Variants in NDFIP1 observed in about 807,000 individuals in gnomAD.
The protein encoded by NDFIP1 is NEDD4 family-interacting protein 1.
In NDFIP1, 7 loss-of-function variants were observed where a neutral mutation model predicts 28.8. The observed-to-expected ratio is 0.24, with a 90% confidence interval of 0.14 to 0.46. NDFIP1 has a LOEUF of 0.46. Among genes scored for constraint, NDFIP1 ranks in the 20% least tolerant of loss-of-function variants. The probability of loss-of-function intolerance (pLI) is 0.99; values close to 1 mark genes in which losing one functional copy is unlikely to be tolerated. For synonymous variants in NDFIP1, 92 were observed against 101.0 expected (o/e 0.91, Z 0.53); for missense variants, 194 against 269.1 (o/e 0.72, Z 1.95).
chr5:142,141,022 G>A (rs761471051), intron 6 of NDFIP1, among the ~76,000 whole-genome samples: 1 of 152,116 alleles, frequency 6.6e-6, no homozygotes, highest in Non-Finnish European at 1.5e-5. Flanking sequence ...AGTGCAGGTG[G>A]CCCATCTTTG....
intron 7 of NDFIP1, among the ~76,000 whole-genome samples, chr5:142,149,492 C>T (rs1477482977): frequency 7.0e-6 from 1 of 141,968 alleles, no homozygotes; most frequent in Non-Finnish European, 1.5e-5. Context: ...TAATACGGTC[C>T]AGAGTCCCTA....
At chr5:142,141,523 C>T (rs1757332181) in intron 6 of NDFIP1, among the ~76,000 whole-genome samples, 1 of 151,602 alleles carries the variant, frequency 6.6e-6, no homozygotes, top group Admixed American at 6.6e-5. Context: ...TACTTTTTTC[C>T]TAGACATTAA....
rs564876605 is a variant in NDFIP1, at chr5:142,128,869, G to A, written c.64-2939G>A. On this transcript the variant is annotated intron_variant, in intron 1 of 7. Transcript: ENST00000253814. ...GTTCTAAGAAGGCTGGAATTTATTT[G>A]CACTGTCATCTTTTACTATGGTGGG... is the stretch of plus-strand genomic sequence containing the variant. Among the ~76,000 whole-genome samples the A allele has an allele frequency of 8.5e-5, 13 of 152,240 alleles. No homozygotes were observed. In the East Asian group the frequency reaches 2.1e-3, roughly 25 times the overall value.
chr5:142,118,870 T>G (rs1181505286), intron 1 of NDFIP1, among the ~76,000 whole-genome samples: 1 of 152,222 alleles, frequency 6.6e-6, no homozygotes, highest in East Asian at 1.9e-4. Context: ...TGGATTTTTT[T>G]TTAACCACTT....
In NDFIP1 at chr5:142,137,267, C is replaced by G. The variant is rs143816864; in HGVS notation, c.371-467C>G. ...CCTTGACTTCCTGGGCTCAAGTGATCCCCCCACCTCAGCCTCCCAAGTAGC... is the reference window on the plus strand; with the variant it reads ...CCTTGACTTCCTGGGCTCAAGTGATGCCCCCACCTCAGCCTCCCAAGTAGC... On this transcript the variant is annotated intron_variant, in intron 4 of 7. Transcript: ENST00000253814. Among the ~76,000 whole-genome samples the G allele has an allele frequency of 8.2e-3, 1,249 of 152,124 alleles. 18 individuals carry two copies. Among genetic ancestry groups the G allele is most frequent in the African/African-American group, 0.029 (1,198 of 41,482 alleles).
chr5:142,130,853 G>C (rs754277929), intron 1 of NDFIP1, among the ~76,000 whole-genome samples: 1 of 152,010 alleles, frequency 6.6e-6, no homozygotes, highest in African/African-American at 2.4e-5. Context: ...TCCATTATAT[G>C]TCTGCCTTTT....
At chr5:142,112,363 G>A (rs1369804993) in intron 1 of NDFIP1, among the ~76,000 whole-genome samples, 1 of 150,010 alleles carries the variant, frequency 6.7e-6, no homozygotes, top group Non-Finnish European at 1.5e-5. Flanking sequence ...CCTGCCTGGC[G>A]ACAGAGCAAG....
At chr5:142,141,033 G>T (rs1016130407) in intron 6 of NDFIP1, among the ~76,000 whole-genome samples, 3 of 152,116 alleles carry the variant, frequency 2.0e-5, no homozygotes, top group African/African-American at 2.4e-5. Context: ...CCCATCTTTG[G>T]TGGGTCTGTC....
chr5:142,143,793 G>A (rs1757359833), intron 6 of NDFIP1: 1 of 152,134 alleles, frequency 6.6e-6, no homozygotes, highest in Non-Finnish European at 1.5e-5. Context: ...TTGAGCCTAG[G>A]AGTTGAAGGC....
chr5:142,118,225 C>T (rs1264242593), intron 1 of NDFIP1, among the ~76,000 whole-genome samples: 3 of 152,148 alleles, frequency 2.0e-5, no homozygotes, highest in Non-Finnish European at 4.4e-5. Flanking sequence ...TACCTAATGT[C>T]CTTTTTCTGT....
chr5:142,148,750 CAAAAAAAAAAAAAA>C (rs60681858), intron 7 of NDFIP1, among the ~76,000 whole-genome samples: 7 of 22,212 alleles, frequency 3.2e-4, no homozygotes, highest in Non-Finnish European at 5.5e-4. Context: ...GACTCTGTCT[CAAAAAAAAAAAAAA>C]AAAAAAAAAA....
intron 1 of NDFIP1, among the ~76,000 whole-genome samples, chr5:142,109,404 A>G (rs1756987767): frequency 1.3e-5 from 2 of 152,256 alleles, no homozygotes; most frequent in South Asian, 2.1e-4. Flanking sequence ...AGAAAGAAAG[A>G]AAAAAGCATG....
At chr5:142,125,442 A>G (rs1757161116) in intron 1 of NDFIP1, among the ~76,000 whole-genome samples, 1 of 152,168 alleles carries the variant, frequency 6.6e-6, no homozygotes, top group Non-Finnish European at 1.5e-5. Flanking sequence ...GACTCACTGC[A>G]GCCTTGAACT....
chr5:142,152,699 A>G lies in NDFIP1; in HGVS notation c.*971A>G, dbSNP rs1757460052. ...ATGTAGAATGATGTGCTTTCTGCCC[A>G]AGTGGTAATTCATCTTGGTTTGCTA... On this transcript the variant is annotated 3_prime_UTR_variant, in exon 8 of 8. Transcript: ENST00000253814. The G allele has an allele frequency of 6.4e-6, 1 of 157,268 alleles. No homozygotes were observed. The highest frequency in any genetic ancestry group is 2.4e-5 in the African/African-American group (1 of 41,608). The allele number at this position is 157,268 out of a possible 1,614,324, so 9.7% of individuals were successfully genotyped here.
At chr5:142,124,841 T>C (rs1561599899) in intron 1 of NDFIP1, among the ~76,000 whole-genome samples, 1 of 152,150 alleles carries the variant, frequency 6.6e-6, no homozygotes, top group Non-Finnish European at 1.5e-5. Flanking sequence ...TTTTTTTTTT[T>C]TGAGACGGAG....
At chr5:142,125,195 A>G (rs148172393) in intron 1 of NDFIP1, among the ~76,000 whole-genome samples, 27 of 152,016 alleles carry the variant, frequency 1.8e-4, no homozygotes, top group Middle Eastern at 6.8e-3. Flanking sequence ...ATAATATTTC[A>G]TTGTACAGAT....
intron 7 of NDFIP1, among the ~76,000 whole-genome samples, chr5:142,149,434 CTTTTT>C (rs10684292): frequency 8.7e-6 from 1 of 114,712 alleles, no homozygotes; most frequent in South Asian, 2.9e-4. Context: ...TATTGGATTC[CTTTTT>C]TTTTTTTTTT....
intron 6 of NDFIP1, among the ~76,000 whole-genome samples, chr5:142,140,975 CT>C (rs1337107459): frequency 1.3e-5 from 2 of 152,020 alleles, no homozygotes; most frequent in Non-Finnish European, 2.9e-5. Flanking sequence ...ACCAGAATTG[CT>C]TATACGCTTA....
At chr5:142,132,851 G>C (rs775607617) in intron 3 of NDFIP1, among the ~76,000 whole-genome samples, 7 of 152,218 alleles carry the variant, frequency 4.6e-5, no homozygotes, top group Non-Finnish European at 1.0e-4. Flanking sequence ...CATGGAGGTG[G>C]AGATTGGGAT....
Sources: gnomAD v4.1 joint callset for allele counts (sites outside exome capture counted in the v4.1 genomes callset) on GRCh38, gnomAD v4.1.1 for gene constraint, MANE v1.5 for transcripts, NCBI Gene and HGNC (gene_info 2026-07-23, HGNC 2026-07-21) for gene names.